The following HIBCH variants were observed in gnomAD, a reference collection of about 807,000 sequenced individuals.
HIBCH encodes 3-hydroxyisobutyryl-CoA hydrolase.
Under a neutral mutation model 58.2 loss-of-function variants are expected in HIBCH, and 50 were observed. The observed-to-expected ratio is 0.86, with a 90% confidence interval of 0.68 to 1.09. HIBCH has a LOEUF of 1.09. Ranked by LOEUF, HIBCH falls within the 50% of genes least tolerant of loss-of-function variation. The pLI is 0.00. For synonymous variants in HIBCH, 151 were observed against 146.9 expected (o/e 1.03, Z -0.20); for missense variants, 450 against 449.7 (o/e 1.00, Z -0.01).
intron 11 of HIBCH, among the ~76,000 whole-genome samples, chr2:190,218,959 G>T (rs895567902): frequency 6.6e-6 from 1 of 152,124 alleles, no homozygotes; most frequent in Non-Finnish European, 1.5e-5. Flanking sequence ...CATCCTAAAC[G>T]TTACTGGTAA....
At chr2:190,271,447 G>C (rs763582093) in intron 6 of HIBCH, among the ~76,000 whole-genome samples, 1 of 151,676 alleles carries the variant, frequency 6.6e-6, no homozygotes, top group Non-Finnish European at 1.5e-5. Flanking sequence ...GCACCACTGG[G>C]CCCAGCTAAT....
Position 190,249,648 on chromosome 2 carries a change from G to A in HIBCH, c.742C>T (p.His248Tyr). Residue 248 changes from histidine (H) to tyrosine (Y), a missense_variant, in exon 9 of 14, where the codon CAT becomes TAT. Coordinates refer to ENST00000359678, the MANE Select transcript of HIBCH (RefSeq NM_014362.4). ...AATATTAACAAGATTACCTCTGTAT[G>A]GTAATTTTCTAAGACAGATGCAATA... The part of the protein sequence containing the change: ...ENIASVLENY[H>Y]TESKIDRDKS... 6.3e-7 allele frequency: 1 copy of A among 1,575,986 alleles called. No homozygotes were observed. Among genetic ancestry groups the A allele is most frequent in the Non-Finnish European group, 8.7e-7 (1 of 1,145,810 alleles).
At chr2:190,280,213 T>TC (rs1180640316) in intron 6 of HIBCH, among the ~76,000 whole-genome samples, 2 of 152,190 alleles carry the variant, frequency 1.3e-5, no homozygotes, top group African/African-American at 4.8e-5. Flanking sequence ...AGACATTAAC[T>TC]CTTAAAGCTA....
chr2:190,282,404 ATAGAAGAGG>A (rs888379142), intron 6 of HIBCH, among the ~76,000 whole-genome samples: 4 of 152,244 alleles, frequency 2.6e-5, no homozygotes, highest in Non-Finnish European at 5.9e-5. Flanking sequence ...TGGCAGAGAA[ATAGAAGAGG>A]TACCAGGCAC....
At chr2:190,194,857 GATT>G (rs1047384731) in intron 1 of HIBCH, among the ~76,000 whole-genome samples, 3 of 152,028 alleles carry the variant, frequency 2.0e-5, no homozygotes, top group Middle Eastern at 3.4e-3. Flanking sequence ...CCCATGGCTG[GATT>G]ATTATTTTTT....
intron 1 of HIBCH, among the ~76,000 whole-genome samples, chr2:190,317,966 G>C (rs187703009): frequency 2.0e-5 from 3 of 151,826 alleles, no homozygotes; most frequent in African/African-American, 7.3e-5. Flanking sequence ...TGGGATTACA[G>C]GGCCCTGCCA....
chr2:190,232,957 C>CA (rs540198563), intron 11 of HIBCH, among the ~76,000 whole-genome samples: 173 of 138,870 alleles, frequency 1.2e-3, no homozygotes, highest in South Asian at 3.2e-3. Context: ...GACTCTATCT[C>CA]AAAAAAAATA....
At chr2:190,285,263 T>C (rs1687802429) in intron 6 of HIBCH, among the ~76,000 whole-genome samples, 1 of 152,248 alleles carries the variant, frequency 6.6e-6, no homozygotes, top group African/African-American at 2.4e-5. Context: ...TTTCCTGTTT[T>C]AATGGGGTCA....
intron 11 of HIBCH, among the ~76,000 whole-genome samples, chr2:190,238,074 T>C (rs887987623): frequency 2.0e-5 from 3 of 152,208 alleles, no homozygotes; most frequent in African/African-American, 7.2e-5. Flanking sequence ...TCTCTCATTG[T>C]CAGGCATTTG....
intron 7 of HIBCH, 54 bp downstream of exon 7, chr2:190,261,100 CAT>C: frequency 1.6e-6 from 2 of 1,264,910 alleles, no homozygotes; most frequent in South Asian, 2.4e-5. Context: ...AACTCTGAAA[CAT>C]ATCAAAAGAA....
At chr2:190,190,745 A>G (rs988891688) in intron 1 of HIBCH, among the ~76,000 whole-genome samples, 1 of 152,164 alleles carries the variant, frequency 6.6e-6, no homozygotes, top group African/African-American at 2.4e-5. Flanking sequence ...TAGTGTGGGT[A>G]ATTATATTGT....
intron 7 of HIBCH, among the ~76,000 whole-genome samples, chr2:190,253,291 T>G (rs1022717273): frequency 1.3e-5 from 2 of 152,144 alleles, no homozygotes; most frequent in African/African-American, 4.8e-5. Flanking sequence ...GACCCTCTAG[T>G]TTTATAATTT....
At chr2:190,194,080 G>T (rs13416848) in intron 1 of HIBCH, among the ~76,000 whole-genome samples, 1 of 151,948 alleles carries the variant, frequency 6.6e-6, no homozygotes, top group East Asian at 1.9e-4. Flanking sequence ...AATATATGAG[G>T]CTTTTCTAGA....
At chr2:190,261,401 A>G (rs751810278) in intron 6 of HIBCH, among the ~76,000 whole-genome samples, 167 bp from the exon 7 acceptor site, 1 of 152,182 alleles carries the variant, frequency 6.6e-6, no homozygotes, top group Non-Finnish European at 1.5e-5. Context: ...TTAACTTTGA[A>G]TTCCACAAAC....
rs112874011 is a variant in HIBCH at position 190,253,485 on chromosome 2, C to T, written c.518-1178G>A. Among the ~76,000 whole-genome samples the T allele has an allele frequency of 6.6e-3, 1,010 of 152,164 alleles. 13 individuals carry two copies. The highest frequency in any genetic ancestry group is 0.023 in the African/African-American group (952 of 41,492). On this transcript the variant is annotated intron_variant, in intron 7 of 13. Transcript: ENST00000359678. ...TCTCAAGTTAAACTCATAACCTCCC[C>T]GCGCCAGTCCCACAATCTTCCTCCA...
chr2:190,314,347 GT>G (rs1688649893), intron 1 of HIBCH, among the ~76,000 whole-genome samples: 2 of 27,646 alleles, frequency 7.2e-5, no homozygotes, highest in African/African-American at 3.0e-4. Context: ...ACATATATAT[GT>G]GTATATATAC....
At chr2:190,232,957 C>A (rs1042652980) in intron 11 of HIBCH, among the ~76,000 whole-genome samples, 17 of 138,792 alleles carry the variant, frequency 1.2e-4, no homozygotes, top group Non-Finnish European at 2.1e-4. Flanking sequence ...GACTCTATCT[C>A]AAAAAAAATA....
At chr2:190,251,856 A>G (rs1460161020) in intron 8 of HIBCH, among the ~76,000 whole-genome samples, 1 of 152,164 alleles carries the variant, frequency 6.6e-6, no homozygotes, top group African/African-American at 2.4e-5. Flanking sequence ...AGATTTGTAC[A>G]TATTAGACTT....
chr2:190,249,012 G>A (rs755489479), intron 9 of HIBCH, among the ~76,000 whole-genome samples: 1 of 152,224 alleles, frequency 6.6e-6, no homozygotes, highest in Non-Finnish European at 1.5e-5. Flanking sequence ...AGAGTTCTTT[G>A]GTTTAAGTTA....
Sources: allele counts gnomAD v4.1 joint callset (sites outside exome capture counted in the v4.1 genomes callset), GRCh38; gene constraint gnomAD v4.1.1; transcripts MANE v1.5; gene names NCBI Gene and HGNC (gene_info 2026-07-23, HGNC 2026-07-21).